TRIM2: variants seen among roughly 807,000 people sequenced by gnomAD.
The protein encoded by TRIM2 is tripartite motif-containing protein 2.
TRIM2 carries 20 observed loss-of-function variants against 75.2 expected under a neutral mutation model. The ratio of observed to expected loss-of-function variants is 0.27; its 90% CI spans 0.19 to 0.39. TRIM2 has a LOEUF of 0.39. TRIM2 is among the 10% of genes least tolerant of loss of function. The probability of loss-of-function intolerance (pLI) is 1.00; values close to 1 mark genes in which losing one functional copy is unlikely to be tolerated. For synonymous variants in TRIM2, 373 were observed against 388.3 expected (o/e 0.96, Z 0.46); for missense variants, 660 against 990.8 (o/e 0.67, Z 4.48).
At chr4:153,273,171 C>T (rs1190242050) in intron 2 of TRIM2, among the ~76,000 whole-genome samples, 1 of 151,588 alleles carries the variant, frequency 6.6e-6, no homozygotes, top group Non-Finnish European at 1.5e-5. Flanking sequence ...CAAAACTTTA[C>T]AGCTTGTCTC....
chr4:153,311,611 G>A (rs116871642), intron 6 of TRIM2, among the ~76,000 whole-genome samples: 1 of 151,988 alleles, frequency 6.6e-6, no homozygotes, highest in South Asian at 2.1e-4. Context: ...TTTTATATAA[G>A]CAAGAATCTA....
At chr4:153,298,645 A>G (rs1474558142) in intron 6 of TRIM2, among the ~76,000 whole-genome samples, 2 of 152,236 alleles carry the variant, frequency 1.3e-5, no homozygotes, top group African/African-American at 2.4e-5. Flanking sequence ...AATCAGGCTA[A>G]CATATGCATT....
At chr4:153,305,902 T>C (rs1269839712) in intron 6 of TRIM2, among the ~76,000 whole-genome samples, 2 of 152,114 alleles carry the variant, frequency 1.3e-5, no homozygotes, top group Non-Finnish European at 2.9e-5. Flanking sequence ...TTTGGGAGGC[T>C]GAGGTGGGCA....
At chr4:153,202,891 G>C (rs1734554721), upstream of TRIM2, among the ~76,000 whole-genome samples, 1 of 151,812 alleles carries the variant, frequency 6.6e-6, no homozygotes, top group Admixed American at 6.6e-5. Flanking sequence ...CAGATCACGA[G>C]GTCAAGAGAC....
chr4:153,203,259 G>A (rs1021074433), upstream of TRIM2, among the ~76,000 whole-genome samples: 10 of 152,104 alleles, frequency 6.6e-5, no homozygotes, highest in African/African-American at 2.2e-4. Context: ...GTGCAAGCCT[G>A]TAATCCCAGC....
At position 153,328,628 on chromosome 4, in the gene TRIM2, T is replaced by C. The variant is rs1770759058; in HGVS notation, c.2121T>C (p.Asn707=). The C allele has an allele frequency of 3.1e-6, 5 of 1,612,164 alleles. No homozygotes were observed. In the African/African-American group the frequency reaches 5.3e-5, roughly 17 times the overall value. ...NAPTGVAVDS[N]GNIIVADWGN... is the part of the protein sequence containing the mutation. ...CAACAGGTGTAGCAGTGGATTCAAA[T>C]GGAAACATCATTGTGGCCGACTGGG... The change falls in exon 11 of 12, where the codon AAT becomes AAC. Residue 707 remains asparagine, a synonymous_variant. Coordinates refer to ENST00000338700, the MANE Select transcript of TRIM2 (RefSeq NM_015271.5).
At chr4:153,196,271 C>CCA (rs1553961390) in intron 1 of TRIM2, among the ~76,000 whole-genome samples, 26 of 147,794 alleles carry the variant, frequency 1.8e-4, no homozygotes, top group South Asian at 4.3e-4. Context: ...CCACCCCCCC[C>CCA]CACACACACA....
At chr4:153,208,601 C>A (rs945225620) in intron 1 of TRIM2, among the ~76,000 whole-genome samples, 1 of 152,134 alleles carries the variant, frequency 6.6e-6, no homozygotes, top group Non-Finnish European at 1.5e-5. Flanking sequence ...CTCAGGTCTG[C>A]TGGTTGACTG....
At chr4:153,183,649 GA>G (rs1179821401) in intron 1 of TRIM2, among the ~76,000 whole-genome samples, 18 of 152,296 alleles carry the variant, frequency 1.2e-4, no homozygotes, top group Admixed American at 3.3e-4. Flanking sequence ...AAACTCATAT[GA>G]GAGGACGGGC....
intron 1 of TRIM2, among the ~76,000 whole-genome samples, chr4:153,233,855 C>T (rs1340407289): frequency 6.6e-6 from 1 of 152,182 alleles, no homozygotes; most frequent in Admixed American, 6.5e-5. Flanking sequence ...TTAAATGTTG[C>T]ATTGCATAAT....
At chr4:153,250,480 A>G (rs867590541) in intron 1 of TRIM2, among the ~76,000 whole-genome samples, 4 of 152,174 alleles carry the variant, frequency 2.6e-5, no homozygotes, top group Non-Finnish European at 5.9e-5. Flanking sequence ...TAGAGAAGGA[A>G]TATTAATGGG....
intron 3 of TRIM2, among the ~76,000 whole-genome samples, chr4:153,283,501 T>G (rs373448424): frequency 6.6e-6 from 1 of 152,240 alleles, no homozygotes; most frequent in Non-Finnish European, 1.5e-5. Flanking sequence ...TTATGAATAA[T>G]GCTGCTGTGA....
At chr4:153,226,716 C>T (rs900733205) in intron 1 of TRIM2, among the ~76,000 whole-genome samples, 7 of 152,152 alleles carry the variant, frequency 4.6e-5, no homozygotes, top group Admixed American at 2.0e-4. Context: ...TGCTGACCTT[C>T]GGGGATGATG....
intron 1 of TRIM2, among the ~76,000 whole-genome samples, chr4:153,222,019 GAGCAAGGAAGGAAGGA>G (rs1740571796): frequency 1.0e-5 from 1 of 100,500 alleles, no homozygotes; most frequent in South Asian, 4.0e-4. Context: ...AGGAAGGAAA[GAGCAAGGAAGGAAGGA>G]AAGAGCGAGG....
chr4:153,167,092 T>A lies in TRIM2; in HGVS notation c.-49+13822T>A, dbSNP rs1730398398. Among the ~76,000 whole-genome samples, 11 of 152,362 alleles carry A rather than the reference T, an allele frequency of 7.2e-5. No homozygotes were observed. In the South Asian group the frequency reaches 2.3e-3, roughly 32 times the overall value. On this transcript the variant is annotated intron_variant, in intron 1 of 11. Coordinates refer to the TRIM2 transcript ENST00000437508. ...GAGTTTAAATCCTGGCTGTGGTAGT[T>A]ACTAGTTGCATGACCTTGGTCAAGT... is the stretch of plus-strand genomic sequence containing the variant.
intron 1 of TRIM2, among the ~76,000 whole-genome samples, chr4:153,220,660 G>A (rs1436292613): frequency 6.6e-6 from 1 of 152,134 alleles, no homozygotes; most frequent in Non-Finnish European, 1.5e-5. Flanking sequence ...ACATTTTGAT[G>A]TAACAAATAG....
intron 1 of TRIM2, among the ~76,000 whole-genome samples, chr4:153,171,863 T>C (rs924658919): frequency 7.9e-6 from 1 of 127,146 alleles, no homozygotes; most frequent in African/African-American, 3.2e-5. Flanking sequence ...TTCGCTAATG[T>C]ATTTTAAAGC....
chr4:153,241,850 C>T (rs1440927791), intron 1 of TRIM2, among the ~76,000 whole-genome samples: 2 of 152,086 alleles, frequency 1.3e-5, no homozygotes, highest in African/African-American at 4.8e-5. Flanking sequence ...GATAAAGGTC[C>T]CAGGATGCTG....
upstream of TRIM2, among the ~76,000 whole-genome samples, chr4:153,201,256 GC>G (rs1473022916): frequency 6.6e-6 from 1 of 152,138 alleles, no homozygotes; most frequent in African/African-American, 2.4e-5. Context: ...GAGCCACCGT[GC>G]CCAGCCTCAT....
Sources: allele counts gnomAD v4.1 joint callset (sites outside exome capture counted in the v4.1 genomes callset), GRCh38; gene constraint gnomAD v4.1.1; transcripts MANE v1.5; gene names NCBI Gene and HGNC (gene_info 2026-07-23, HGNC 2026-07-21).